Variants in RPS27L observed in about 807,000 individuals in gnomAD.
RPS27L encodes the protein ribosomal protein eS27-like.
In RPS27L, 10 loss-of-function variants were observed where a neutral mutation model predicts 12.8. That is an observed-to-expected ratio of 0.78 (90% confidence interval 0.48 to 1.33). RPS27L has a LOEUF of 1.33. Among genes scored for constraint, RPS27L ranks in the 40% most tolerant of loss-of-function variants. RPS27L has a pLI of 0.00. For synonymous variants in RPS27L, 26 were observed against 32.3 expected, an observed-to-expected ratio of 0.81 and a Z score of 0.66; for missense variants, 81 against 97.4, an observed-to-expected ratio of 0.83 and a Z score of 0.71.
At position 63,152,695 on chromosome 15, in the gene RPS27L, A is replaced by T. The variant is rs1490819292; in HGVS notation, c.*1337T>A. ...TTTTTAGTAGAGACGGGGTTTTTCC[A>T]TGTTGGTCAGGCTGGTCTTGAACTC... On this transcript the variant is annotated 3_prime_UTR_variant, in exon 4 of 4. Coordinates refer to ENST00000330964, the MANE Select transcript of RPS27L (RefSeq NM_015920.4). 1.3e-5 allele frequency: 2 copies of T among 151,862 alleles called. No individual in the cohort carries two copies. Among genetic ancestry groups the T allele is most frequent in the Admixed American group, 6.6e-5 (1 of 15,218 alleles). The allele number at this position is 151,862 out of a possible 1,614,324, so 9.4% of individuals were successfully genotyped here. A position where few individuals can be genotyped will look rare whatever the true frequency, so the allele number is the denominator to read the frequency against.
chr15:63,154,865 G>A (rs1047265382), intron 3 of RPS27L: 2 of 151,330 alleles, frequency 1.3e-5, no homozygotes, highest in South Asian at 4.2e-4. Flanking sequence ...AAAATCTCTG[G>A]CATTTTAACT....
At chr15:63,157,235 G>C (rs960790292) in intron 1 of RPS27L, 165 bp downstream of exon 1, 1 of 768,152 alleles carries the variant, frequency 1.3e-6, no homozygotes, top group Non-Finnish European at 2.2e-6. Context: ...CGCGGTGACC[G>C]GGCAAGTCAC....
Position 63,149,189 on chromosome 15 carries a change from A to C in RPS27L, c.*4843T>G, listed in dbSNP as rs1156567318. ...TTTTCTATGCCTATAGTTGTGAAAA[A>C]GTAGCTGTAAAATCCTAAAAGAATA... On this transcript the variant is annotated 3_prime_UTR_variant, in exon 4 of 4. Coordinates refer to ENST00000330964, the MANE Select transcript of RPS27L (RefSeq NM_015920.4). The C allele has an allele frequency of 1.3e-5, 2 of 152,170 alleles. No homozygotes were observed. The highest frequency in any genetic ancestry group is 4.8e-5 in the African/African-American group (2 of 41,436). 9.4% of individuals were successfully genotyped at this position (152,170 alleles called of 1,614,324 possible). A position where few individuals can be genotyped will look rare whatever the true frequency, so the allele number is the denominator to read the frequency against.
At chr15:63,154,363 C>T (rs73448353) in intron 3 of RPS27L, 96 of 304,690 alleles carry the variant, frequency 3.2e-4, no homozygotes, top group African/African-American at 1.9e-3. Flanking sequence ...AGAAGATATA[C>T]TCTTAATTTT....
rs538043683 is a variant in RPS27L, at chr15:63,153,960, G to C, written c.*72C>G. 52 of 1,236,390 alleles carry C rather than the reference G, an allele frequency of 4.2e-5. No homozygotes were observed. In the African/African-American group the frequency reaches 7.0e-4, roughly 17 times the overall value. 76.6% of individuals were successfully genotyped at this position (1,236,390 alleles called of 1,614,324 possible). ...TTACATTATCTTGGTAAATTAATTA[G>C]AATTATGGAATTTATGATAAGGCTT... is the stretch of plus-strand genomic sequence containing the variant. On this transcript the variant is annotated 3_prime_UTR_variant, in exon 4 of 4. Coordinates refer to ENST00000330964, the MANE Select transcript of RPS27L (RefSeq NM_015920.4).
chr15:63,157,082 C>T (rs1338498070), intron 1 of RPS27L: 1 of 437,942 alleles, frequency 2.3e-6, no homozygotes, highest in African/African-American at 2.1e-5. Context: ...ACACCAATCA[C>T]TGGGAAAGCC....
rs111564920 is a variant in RPS27L at position 63,149,043 on chromosome 15, G to A, written c.*4989C>T. On this transcript the variant is annotated 3_prime_UTR_variant, in exon 4 of 4. Coordinates refer to ENST00000330964, the MANE Select transcript of RPS27L (RefSeq NM_015920.4). Reference sequence around the variant, plus strand: ...CCAGCTAATTTTTGTATTTTTAGCAGAGACGCGGTTTCATCATGTTGGCCA... The same window carrying A: ...CCAGCTAATTTTTGTATTTTTAGCAAAGACGCGGTTTCATCATGTTGGCCA... 0.088 allele frequency: 13,406 copies of A among 151,742 alleles called. 836 individuals are homozygous for A. The highest frequency in any genetic ancestry group is 0.13 in the Non-Finnish European group (8,916 of 67,922). 9.4% of individuals were successfully genotyped at this position (151,742 alleles called of 1,614,324 possible).
At position 63,154,077 on chromosome 15, in the gene RPS27L, A is replaced by G. The variant is rs1365499086; in HGVS notation, c.227-17T>C. ...ATGAACACCCTGCAAAAGAATCATG[A>G]GAGTATATTAAACAAGTGCATTCTA... On this transcript the variant is annotated splice_polypyrimidine_tract_variant and intron_variant, in intron 3 of 3. Coordinates refer to ENST00000330964, the MANE Select transcript of RPS27L (RefSeq NM_015920.4). 1.3e-6 allele frequency: 2 copies of G among 1,598,938 alleles called. No homozygotes were observed. Among genetic ancestry groups the G allele is most frequent in the Non-Finnish European group, 1.7e-6 (2 of 1,167,786 alleles).
At chr15:63,156,930 G>C in intron 1 of RPS27L, 1 of 378,362 alleles carries the variant, frequency 2.6e-6, no homozygotes. Flanking sequence ...TTGCTCCTGT[G>C]GCTCAACAGC....
rs1245090594 is a variant in RPS27L at position 63,150,854 on chromosome 15, G to A, written c.*3178C>T. On this transcript the variant is annotated 3_prime_UTR_variant, in exon 4 of 4. Coordinates refer to ENST00000330964, the MANE Select transcript of RPS27L (RefSeq NM_015920.4). ...ACGGGGTTACACCGTGTTAGCCAGG[G>A]TGGTCTCGATCTCCTGACCTCGTGA... 2.6e-5 allele frequency: 4 copies of A among 152,090 alleles called. No individual in the cohort carries two copies. Among genetic ancestry groups the A allele is most frequent in the Admixed American group, 6.5e-5 (1 of 15,270 alleles). The allele number at this position is 152,090 out of a possible 1,614,324, so 9.4% of individuals were successfully genotyped here. A position where few individuals can be genotyped will look rare whatever the true frequency, so the allele number is the denominator to read the frequency against.
chr15:63,150,313 T>C lies in RPS27L; in HGVS notation c.*3719A>G, dbSNP rs2037292553. On this transcript the variant is annotated 3_prime_UTR_variant, in exon 4 of 4. Coordinates refer to ENST00000330964, the MANE Select transcript of RPS27L (RefSeq NM_015920.4). ...GAAATATTGAGAAGAAGCAAATCCA[T>C]GGAGACAAAAGTAGCTTAGTGGCTG... 1.3e-5 allele frequency: 2 copies of C among 152,134 alleles called. No homozygotes were observed. The highest frequency in any genetic ancestry group is 4.8e-5 in the African/African-American group (2 of 41,430). 9.4% of individuals were successfully genotyped at this position (152,134 alleles called of 1,614,324 possible).
Position 63,152,155 on chromosome 15 carries a change from TG to T in RPS27L, c.*1876del, listed in dbSNP as rs1470761805. 1 of 152,314 alleles carries T rather than the reference TG, an allele frequency of 6.6e-6. No individual in the cohort carries two copies. The highest frequency in any genetic ancestry group is 2.4e-5 in the African/African-American group (1 of 41,456). 9.4% of individuals were successfully genotyped at this position (152,314 alleles called of 1,614,324 possible). A position where few individuals can be genotyped will look rare whatever the true frequency, so the allele number is the denominator to read the frequency against. On this transcript the variant is annotated 3_prime_UTR_variant, in exon 4 of 4. Coordinates refer to ENST00000330964, the MANE Select transcript of RPS27L (RefSeq NM_015920.4). ...TTAGGCGGGCGTGGTGGCACGTGCC[TG>T]AAGTCTCCGCTACTCAGGAGGCAGA...
rs113399665 is a variant in RPS27L, at chr15:63,155,533, T to A, written c.226+88A>T. ...GAAAGATAAGTTATTTTGGTAATCA[T>A]TAAGATTTCTTTAAACTTTTCAGTG... On this transcript the variant is annotated intron_variant, in intron 3 of 3. Coordinates refer to ENST00000330964, the MANE Select transcript of RPS27L (RefSeq NM_015920.4). 8.4e-3 allele frequency: 6,985 copies of A among 835,258 alleles called. 46 individuals carry two copies. Among genetic ancestry groups the A allele is most frequent in the Non-Finnish European group, 0.012 (6,186 of 519,632 alleles). The allele number at this position is 835,258 out of a possible 1,614,324, so 51.7% of individuals were successfully genotyped here. A position where few individuals can be genotyped will look rare whatever the true frequency, so the allele number is the denominator to read the frequency against.
rs1401485546 is a variant in RPS27L, at chr15:63,151,911, T to G, written c.*2121A>C. On this transcript the variant is annotated 3_prime_UTR_variant, in exon 4 of 4. Transcript: ENST00000330964. ...GAAATAAGGACAATGGTGTCCAATCTGATTTCAATTTTGAGAAACTGTATG... is the reference window on the plus strand; with the variant it reads ...GAAATAAGGACAATGGTGTCCAATCGGATTTCAATTTTGAGAAACTGTATG... The G allele has an allele frequency of 2.0e-5, 3 of 152,264 alleles. No individual in the cohort carries two copies. The highest frequency in any genetic ancestry group is 4.4e-5 in the Non-Finnish European group (3 of 68,050). The allele number at this position is 152,264 out of a possible 1,614,324, so 9.4% of individuals were successfully genotyped here. A position where few individuals can be genotyped will look rare whatever the true frequency, so the allele number is the denominator to read the frequency against.
At chr15:63,155,799 G>T in intron 2 of RPS27L, 68 bp from the exon 3 acceptor site, 2 of 908,066 alleles carry the variant, frequency 2.2e-6, no homozygotes, top group Non-Finnish European at 3.1e-6. Context: ...CGACATTTCT[G>T]GTAATATGTA....
At chr15:63,154,667 C>T (rs2037320276) in intron 3 of RPS27L, 1 of 152,172 alleles carries the variant, frequency 6.6e-6, no homozygotes, top group Non-Finnish European at 1.5e-5. Context: ...TGAACTCTTC[C>T]AGTGAGAGCA....
rs74409558 is a variant in RPS27L at position 63,156,295 on chromosome 15, A to T, written c.115+118T>A. The T allele has an allele frequency of 6.4e-3, 3,787 of 588,470 alleles. 175 individuals carry two copies. The East Asian group carries it at 0.1, about 16-fold the overall frequency. 36.5% of individuals were successfully genotyped at this position (588,470 alleles called of 1,614,324 possible). ...TATGAAAATGTCCCTGACATTTCCA[A>T]TTCTGTAATCCCACTTCTACTCAAC... is the stretch of plus-strand genomic sequence containing the variant. On this transcript the variant is annotated intron_variant, in intron 2 of 3. Transcript: ENST00000330964.
intron 3 of RPS27L, chr15:63,154,767 T>C (rs553788767): frequency 1.3e-5 from 2 of 152,184 alleles, no homozygotes. Flanking sequence ...GGAAACTATA[T>C]ATATAATTTT....
At chr15:63,155,295 A>T (rs999513193) in intron 3 of RPS27L, 33 of 215,644 alleles carry the variant, frequency 1.5e-4, no homozygotes, top group East Asian at 2.8e-4. Flanking sequence ...ATAAAAAAAA[A>T]AAATAATAAA....
Sources: allele counts gnomAD v4.1 joint callset, GRCh38; gene constraint gnomAD v4.1.1; transcripts MANE v1.5; gene names NCBI Gene and HGNC (gene_info 2026-07-23, HGNC 2026-07-21).